Variants in SCLY observed in about 807,000 individuals in gnomAD.
The protein encoded by SCLY is putative selenocysteine lyase.
Under a neutral mutation model 50.1 loss-of-function variants are expected in SCLY, and 38 were observed. The observed-to-expected ratio is 0.76, with a 90% CI of 0.59 to 0.99. The LOEUF (loss-of-function observed/expected upper bound fraction) is 0.99. Ranked by LOEUF, SCLY falls within the 50% of genes least tolerant of loss-of-function variation. The probability of loss-of-function intolerance (pLI) is 0.00; values close to 1 mark genes in which losing one functional copy is unlikely to be tolerated. For synonymous variants in SCLY, 243 were observed against 249.4 expected, an observed-to-expected ratio of 0.97 and a Z score of 0.24; for missense variants, 600 against 620.0, an observed-to-expected ratio of 0.97 and a Z score of 0.34.
intron 4 of SCLY, among the ~76,000 whole-genome samples, chr2:238,076,068 TGTCTTAA>T (rs2065170472): frequency 6.8e-6 from 1 of 147,044 alleles, no homozygotes; most frequent in African/African-American, 2.5e-5. Context: ...TTTTTTACAG[TGTCTTAA>T]GGTGGAAGAT....
intron 8 of SCLY, 70 bp downstream of exon 8, chr2:238,091,324 G>C: frequency 2.4e-6 from 3 of 1,268,714 alleles, no homozygotes; most frequent in Non-Finnish European, 3.5e-6. Context: ...GCTCTAGTAG[G>C]AATCTGGGGC....
chr2:238,079,931 A>G (rs1000859908), intron 4 of SCLY: 1 of 152,090 alleles, frequency 6.6e-6, no homozygotes, highest in African/African-American at 2.4e-5. Flanking sequence ...TTGGTGCCTT[A>G]TGGTGTCCCA....
At position 238,081,834 on chromosome 2, in the gene SCLY, A is replaced by G. The variant is rs2106446421; in HGVS notation, c.610A>G (p.Met204Val). ...GGCCAACAATGAGACTGGCATTGTC[A>G]TGGTGAGTCGGCCTTTGTTTCTCTT... ...MLANNETGIV[M>V]PVPEISQRIK... The change falls in exon 5 of 12, where the codon ATG becomes GTG. Residue 204 changes from methionine to valine, a missense_variant and splice_region_variant. Met to Val is a conservative substitution (Grantham distance 21). Transcript: ENST00000254663. 1 of 1,613,506 alleles carries G rather than the reference A, an allele frequency of 6.2e-7. No homozygotes were observed. Among genetic ancestry groups the G allele is most frequent in the Non-Finnish European group, 8.5e-7 (1 of 1,179,666 alleles).
At chr2:238,090,285 G>C (rs1467546541) in intron 7 of SCLY, among the ~76,000 whole-genome samples, 1 of 152,218 alleles carries the variant, frequency 6.6e-6, no homozygotes, top group Non-Finnish European at 1.5e-5. Flanking sequence ...TGAGGGTGCA[G>C]AGAAAATATC....
At chr2:238,090,156 G>A (rs1259916606) in intron 7 of SCLY, among the ~76,000 whole-genome samples, 1 of 152,094 alleles carries the variant, frequency 6.6e-6, no homozygotes, top group Non-Finnish European at 1.5e-5. Context: ...CAGGTAATAA[G>A]CACAGGAAAA....
At chr2:238,082,523 G>T (rs777977610) in intron 6 of SCLY, among the ~76,000 whole-genome samples, 1 of 152,244 alleles carries the variant, frequency 6.6e-6, no homozygotes, top group Non-Finnish European at 1.5e-5. Flanking sequence ...CGGCCAGGCA[G>T]CGAGTGTCTC....
chr2:238,097,414 C>G lies in SCLY; in HGVS notation c.1184+538C>G, dbSNP rs2065450248. On this transcript the variant is annotated intron_variant, in intron 11 of 11. Transcript: ENST00000254663. Reference sequence around the variant, plus strand: ...TGCTGGCAGCAGGGGAGAAGTGGTTCTGGGTCTGGTCTGCTGAAAACGTGA... The same window carrying G: ...TGCTGGCAGCAGGGGAGAAGTGGTTGTGGGTCTGGTCTGCTGAAAACGTGA... Among the ~76,000 whole-genome samples the G allele has an allele frequency of 2.0e-5, 3 of 152,138 alleles. No individual in the cohort carries two copies. The South Asian group carries it at 6.2e-4, about 32-fold the overall frequency.
At chr2:238,098,103 T>G in intron 11 of SCLY, 99 bp from the exon 12 acceptor site, 2 of 1,407,214 alleles carry the variant, frequency 1.4e-6, no homozygotes, top group Non-Finnish European at 9.6e-7. Context: ...CACATCCGGG[T>G]GGGCAGAGCC....
intron 4 of SCLY, chr2:238,073,735 G>A (rs770547036): frequency 1.5e-5 from 7 of 467,454 alleles, no homozygotes; most frequent in Non-Finnish European, 2.6e-5. Flanking sequence ...TATCTCTACT[G>A]TCTCTGTGAC....
Position 238,096,840 on chromosome 2 carries a change from G to C in SCLY, c.1148G>C (p.Ser383Thr), listed in dbSNP as rs949419647. The change falls in exon 11 of 12, where the codon AGT becomes ACT. Residue 383 changes from serine (S) to threonine (T), a missense_variant. Transcript: ENST00000254663. ...GCGCAGTGCCGAGTGCTGATGGCCA[G>C]TGTGGGGGCCGCGTGCCACTCGGAC... ...VLAQCRVLMA[S>T]VGAACHSDHG... 1.2e-6 allele frequency: 2 copies of C among 1,612,584 alleles called. No homozygotes were observed. The highest frequency in any genetic ancestry group is 1.7e-6 in the Non-Finnish European group (2 of 1,179,690).
rs371029963 is a variant in SCLY, at chr2:238,064,393, G to A, written c.126G>A (p.Leu42=). 9.9e-5 allele frequency: 160 copies of A among 1,610,432 alleles called. No individual in the cohort carries two copies. The African/African-American group carries it at 2.0e-3, about 20-fold the overall frequency. The change falls in exon 2 of 12, where the codon CTG becomes CTA. Residue 42 remains leucine (L), a synonymous_variant. Transcript: ENST00000254663. ...VYMDYNATTP[L]EPEVIQAMTK... is the part of the protein sequence containing the mutation. ...TGGACTATAATGCAACGACTCCCCT[G>A]GAGCCAGAAGTTATCCAGGCCATGA...
intron 7 of SCLY, among the ~76,000 whole-genome samples, chr2:238,089,674 G>T (rs1305937761): frequency 1.4e-5 from 2 of 144,844 alleles, no homozygotes; most frequent in Non-Finnish European, 3.0e-5. Flanking sequence ...AAGCTCATCA[G>T]CTATCATTAG....
Position 238,081,791 on chromosome 2 carries a change from C to G in SCLY, c.567C>G (p.Arg189=). 1 of 1,614,174 alleles carries G rather than the reference C, an allele frequency of 6.2e-7. No homozygotes were observed. The highest frequency in any genetic ancestry group is 1.1e-5 in the South Asian group (1 of 91,082). The change falls in exon 5 of 12, where the codon CGC becomes CGG. Residue 189 remains arginine (R), a synonymous_variant. Transcript: ENST00000254663. ...TCGCGGCAGTCCGCCCGACCACACGCCTCGTGACCATCATGCTGGCCAACA... is the reference window on the plus strand; with the variant it reads ...TCGCGGCAGTCCGCCCGACCACACGGCTCGTGACCATCATGCTGGCCAACA... The part of the protein sequence containing the change: ...DILAAVRPTT[R]LVTIMLANNE...
In SCLY at chr2:238,081,724, C is replaced by T. The variant is rs773962297; in HGVS notation, c.500C>T (p.Pro167Leu). 9.0e-5 allele frequency: 146 copies of T among 1,613,986 alleles called. No homozygotes were observed. In the Middle Eastern group the frequency reaches 1.6e-3, roughly 18 times the overall value. The change falls in exon 5 of 12, where the codon CCG becomes CTG. Residue 167 changes from proline (P) to leucine (L), a missense_variant. By Grantham distance (98) the Pro-to-Leu change is moderately conservative. Transcript: ENST00000254663. ...EEQVAAVTFV[P>L]VSKVSGQAEV... ...TGTTTCCCAGCGGTCACCTTTGTCCCGGTGTCCAAGGTGAGCGGGCAGGCA... is the reference window on the plus strand; with the variant it reads ...TGTTTCCCAGCGGTCACCTTTGTCCTGGTGTCCAAGGTGAGCGGGCAGGCA...
chr2:238,076,978 C>T (rs1015668338), intron 4 of SCLY, among the ~76,000 whole-genome samples: 1 of 152,006 alleles, frequency 6.6e-6, no homozygotes, highest in Non-Finnish European at 1.5e-5. Flanking sequence ...GTTAGGTCTA[C>T]TTAATTTGTA....
chr2:238,064,842 CAT>C (rs1280634511), intron 2 of SCLY: 1 of 154,280 alleles, frequency 6.5e-6, no homozygotes, highest in East Asian at 1.9e-4. Flanking sequence ...ATCAGGATAA[CAT>C]ATAATCCTGG....
At position 238,071,377 on chromosome 2, in the gene SCLY, C is replaced by T. The variant is rs1347475222; in HGVS notation, c.484+1900C>T. 1.2e-4 allele frequency among the ~76,000 whole-genome samples: 18 copies of T among 152,136 alleles called. 1 individual carries two copies. Among genetic ancestry groups the T allele is most frequent in the South Asian group, 8.3e-4 (4 of 4,822 alleles). ...ATCCCGGCACTTTGGGAGGCTGAGG[C>T]GGACAGATCACTTGAGGTCAGGAAT... is the stretch of plus-strand genomic sequence containing the variant. On this transcript the variant is annotated intron_variant, in intron 4 of 11. Coordinates refer to ENST00000254663, the MANE Select transcript of SCLY (RefSeq NM_016510.7).
rs1553568619 is a variant in SCLY at position 238,098,621 on chromosome 2, G to GAACGCCCACATAGA, written c.*267_*268insACGCCCACATAGAA. The GAACGCCCACATAGA allele has an allele frequency of 0.014, 4,175 of 307,624 alleles. 68 individuals carry two copies. Among genetic ancestry groups the GAACGCCCACATAGA allele is most frequent in the Middle Eastern group, 0.019 (23 of 1,186 alleles). The allele number at this position is 307,624 out of a possible 1,614,324, so 19.1% of individuals were successfully genotyped here. A position where few individuals can be genotyped will look rare whatever the true frequency, so the allele number is the denominator to read the frequency against. Reference sequence around the variant, plus strand: ...CGCCCACATAGGACCGCCCACATGGGACCGCCCACATGGGACCGCCCACAT... The same window carrying GAACGCCCACATAGA: ...CGCCCACATAGGACCGCCCACATGGGAACGCCCACATAGAACCGCCCACATGGGACCGCCCACAT... On this transcript the variant is annotated 3_prime_UTR_variant, in exon 12 of 12. Transcript: ENST00000254663.
rs774850515 is a variant in SCLY, at chr2:238,099,381, C to G, written c.*1026C>G. 18 of 465,444 alleles carry G rather than the reference C, an allele frequency of 3.9e-5. No homozygotes were observed. The highest frequency in any genetic ancestry group is 7.6e-5 in the Non-Finnish European group (17 of 224,504). The allele number at this position is 465,444 out of a possible 1,614,324, so 28.8% of individuals were successfully genotyped here. The stretch of plus-strand genomic sequence containing the variant: ...ATTTTGAGGAAACACTTGCCAGAAA[C>G]TAAATTAACGAATAAAAGATTTCAG... On this transcript the variant is annotated 3_prime_UTR_variant, in exon 12 of 12. Coordinates refer to ENST00000254663, the MANE Select transcript of SCLY (RefSeq NM_016510.7).
Sources: allele counts gnomAD v4.1 joint callset (sites outside exome capture counted in the v4.1 genomes callset), GRCh38; gene constraint gnomAD v4.1.1; transcripts MANE v1.5; gene names NCBI Gene and HGNC (gene_info 2026-07-23, HGNC 2026-07-21).